CEP63: variants seen among roughly 807,000 people sequenced by gnomAD.
CEP63 encodes centrosomal protein of 63 kDa.
A neutral mutation model predicts 89.1 loss-of-function variants in CEP63; 84 were observed. The ratio of observed to expected loss-of-function variants is 0.94; its 90% CI spans 0.79 to 1.13. The LOEUF (loss-of-function observed/expected upper bound fraction) is 1.13, where lower values mean the gene tolerates loss of function less well. Ranked by LOEUF, CEP63 falls within the 50% of genes most tolerant of loss-of-function variation. The probability of loss-of-function intolerance (pLI) is 0.00; values close to 1 mark genes in which losing one functional copy is unlikely to be tolerated. For synonymous variants in CEP63, 267 were observed against 272.5 expected (o/e 0.98, Z 0.20); for missense variants, 838 against 813.3 (o/e 1.03, Z -0.37).
chr3:134,664,325 A>G, the CEP63 span, among the ~76,000 whole-genome samples: 1 of 152,300 alleles, frequency 6.6e-6, no homozygotes, highest in East Asian at 1.9e-4. Context: ...GGAAGGCAAA[A>G]TGAGGCAATG....
Position 134,564,352 on chromosome 3 carries a change from TCC to T in CEP63, c.*2821_*2822del, listed in dbSNP as rs763593633. The T allele has an allele frequency of 2.8e-5, 28 of 985,260 alleles. No homozygotes were observed. Among genetic ancestry groups the T allele is most frequent in the Non-Finnish European group, 3.1e-5 (26 of 829,952 alleles). The allele number at this position is 985,260 out of a possible 1,614,324, so 61.0% of individuals were successfully genotyped here. The stretch of plus-strand genomic sequence containing the variant: ...ACACCCTGTCATGTGCTCCTAAAAC[TCC>T]CCCTTTACTTGGCTACTTTATCTGG... On this transcript the variant is annotated 3_prime_UTR_variant, in exon 15 of 15. Coordinates refer to ENST00000675561, the MANE Select transcript of CEP63 (RefSeq NM_001353108.3).
the CEP63 span, among the ~76,000 whole-genome samples, chr3:134,629,938 A>G: frequency 6.6e-6 from 1 of 152,222 alleles, no homozygotes; most frequent in Non-Finnish European, 1.5e-5. Flanking sequence ...ATTATAAACA[A>G]TGTACTGAAT....
chr3:134,561,439 G>A lies in CEP63; in HGVS notation c.2016G>A (p.Leu672=), dbSNP rs1957330387. The change falls in exon 15 of 15, where the codon CTG becomes CTA. Residue 672 remains leucine, a synonymous_variant. Transcript: ENST00000675561. ...CCAGATTTTTGGAAGAGGAGGAACTGAGGTCTCATCACATTCTAGAGCGCT... is the reference window on the plus strand; with the variant it reads ...CCAGATTTTTGGAAGAGGAGGAACTAAGGTCTCATCACATTCTAGAGCGCT... ...IATRFLEEEE[L]RSHHILERLD... 1.9e-6 allele frequency: 3 copies of A among 1,613,878 alleles called. No individual in the cohort carries two copies. The highest frequency in any genetic ancestry group is 2.7e-5 in the African/African-American group (2 of 74,918).
chr3:134,766,517 C>A, the CEP63 span, among the ~76,000 whole-genome samples: 1 of 152,370 alleles, frequency 6.6e-6, no homozygotes, highest in Admixed American at 6.5e-5. Flanking sequence ...TTGGTCAGGG[C>A]TACCTTGTAG....
chr3:134,686,174 G>A, the CEP63 span, among the ~76,000 whole-genome samples: 1,086 of 152,254 alleles, frequency 7.1e-3, 40 homozygotes, highest in Admixed American at 0.059. Context: ...TGGTGGTGGC[G>A]GCTGCTGCTG....
chr3:134,760,866 C>T, the CEP63 span, among the ~76,000 whole-genome samples: 1 of 152,150 alleles, frequency 6.6e-6, no homozygotes, highest in East Asian at 1.9e-4. Context: ...GGCACCTCTG[C>T]AGGTCCTAAG....
chr3:134,652,000 C>T, the CEP63 span, among the ~76,000 whole-genome samples: 51 of 152,194 alleles, frequency 3.4e-4, no homozygotes, highest in African/African-American at 1.2e-3. Context: ...CTCTGGGAGC[C>T]CTCCCCGCAT....
the CEP63 span, among the ~76,000 whole-genome samples, chr3:134,660,793 T>C: frequency 6.6e-6 from 1 of 152,106 alleles, no homozygotes; most frequent in Non-Finnish European, 1.5e-5. Flanking sequence ...CAATCTTTGG[T>C]GTTGAGTGTG....
At chr3:134,592,022 G>A (rs76868365), downstream of CEP63, among the ~76,000 whole-genome samples, 845 of 152,228 alleles carry the variant, frequency 5.6e-3, 2 homozygotes, top group African/African-American at 0.019. Context: ...AATTTTTCAG[G>A]GTCAGGAATT....
chr3:134,625,866 C>G, the CEP63 span, among the ~76,000 whole-genome samples: 1 of 152,358 alleles, frequency 6.6e-6, no homozygotes, highest in East Asian at 1.9e-4. Flanking sequence ...CGAGTCAGGT[C>G]TCTGAGACAG....
At chr3:134,687,452 CA>C in the CEP63 span, among the ~76,000 whole-genome samples, 1 of 152,174 alleles carries the variant, frequency 6.6e-6, no homozygotes, top group Non-Finnish European at 1.5e-5. Context: ...TGGGAGATAG[CA>C]CCATTCTTAT....
chr3:134,507,827 G>C (rs1212444310), intron 3 of CEP63, among the ~76,000 whole-genome samples: 1 of 152,180 alleles, frequency 6.6e-6, no homozygotes, highest in Non-Finnish European at 1.5e-5. Flanking sequence ...GGTAATTTGG[G>C]GGAAAAGTTT....
chr3:134,745,261 T>C, the CEP63 span, among the ~76,000 whole-genome samples: 1 of 152,236 alleles, frequency 6.6e-6, no homozygotes, highest in Non-Finnish European at 1.5e-5. Context: ...TATTGTTTTG[T>C]GTATGTTGTC....
intron 3 of CEP63, among the ~76,000 whole-genome samples, chr3:134,514,117 A>G (rs1429972100): frequency 1.3e-5 from 2 of 152,198 alleles, no homozygotes; most frequent in African/African-American, 4.8e-5. Context: ...ATTGCATTCA[A>G]GGCACTAAAA....
At chr3:134,575,233 C>CCCTTCCTT (rs765595667), downstream of CEP63, among the ~76,000 whole-genome samples, 2 of 54,158 alleles carry the variant, frequency 3.7e-5, no homozygotes, top group African/African-American at 1.2e-4. Context: ...CTCCCTCCCT[C>CCCTTCCTT]CCTTCCTTCC....
the CEP63 span, among the ~76,000 whole-genome samples, chr3:134,757,649 G>A: frequency 6.6e-6 from 1 of 152,332 alleles, no homozygotes; most frequent in Non-Finnish European, 1.5e-5. Context: ...TAAGTCAGAT[G>A]TGCACATGCA....
chr3:134,488,030 C>T (rs371048468), intron 1 of CEP63: 1 of 152,194 alleles, frequency 6.6e-6, no homozygotes, highest in African/African-American at 2.4e-5. Context: ...GGCCCCCAAA[C>T]CCGGGGCCGC....
chr3:134,651,900 C>T, the CEP63 span, among the ~76,000 whole-genome samples: 1 of 152,114 alleles, frequency 6.6e-6, no homozygotes, highest in African/African-American at 2.4e-5. Flanking sequence ...TGCCTGGTAC[C>T]CCTGGGCACT....
At chr3:134,565,853 T>C (rs62271507), downstream of CEP63, among the ~76,000 whole-genome samples, 7,462 of 152,074 alleles carry the variant, frequency 0.049, 276 homozygotes, top group South Asian at 0.18. Flanking sequence ...TTGTAAAGTA[T>C]GTGAGTATCC....
Sources: allele counts gnomAD v4.1 joint callset (sites outside exome capture counted in the v4.1 genomes callset), GRCh38; gene constraint gnomAD v4.1.1; transcripts MANE v1.5; gene names NCBI Gene and HGNC (gene_info 2026-07-23, HGNC 2026-07-21).